Variants in RARS2 observed in about 807,000 individuals in gnomAD.
RARS2 encodes arginyl-tRNA synthetase 2, mitochondrial, also known as probable arginine--tRNA ligase, mitochondrial.
Under a neutral mutation model 88.5 loss-of-function variants are expected in RARS2, and 67 were observed. The observed-to-expected ratio is 0.76, with a 90% CI of 0.62 to 0.93. The LOEUF is 0.93. RARS2 is among the 40% of genes least tolerant of loss of function. RARS2 has a pLI of 0.00. For missense variants in RARS2, 664 were observed against 684.2 expected (o/e 0.97, Z 0.33); for synonymous variants, 239 against 230.3 (o/e 1.04, Z -0.34).
chr6:87,569,266 T>C (rs986896821), intron 2 of RARS2, among the ~76,000 whole-genome samples: 1 of 152,184 alleles, frequency 6.6e-6, no homozygotes, highest in Admixed American at 6.5e-5. Flanking sequence ...GCCACAATTA[T>C]AGTTACTAGC....
rs766112591 is a variant in RARS2 at position 87,559,968 on chromosome 6, T to C, written c.297+2734A>G. Among the ~76,000 whole-genome samples, 5 of 152,366 alleles carry C rather than the reference T, an allele frequency of 3.3e-5. No individual in the cohort carries two copies. The South Asian group carries it at 8.3e-4, about 25-fold the overall frequency. ...GTCACAATTGCACAAATACAGTATTTGGTATTTTACATGATGCACAAGTTT... is the reference window on the plus strand; with the variant it reads ...GTCACAATTGCACAAATACAGTATTCGGTATTTTACATGATGCACAAGTTT... On this transcript the variant is annotated intron_variant, in intron 4 of 19. Coordinates refer to ENST00000369536, the MANE Select transcript of RARS2 (RefSeq NM_020320.5).
intron 2 of RARS2, among the ~76,000 whole-genome samples, chr6:87,565,580 C>T (rs1456713936): frequency 2.0e-5 from 3 of 152,144 alleles, no homozygotes; most frequent in Admixed American, 2.0e-4. Flanking sequence ...CAAAATAAGA[C>T]TTGAAGTAAA....
intron 5 of RARS2, among the ~76,000 whole-genome samples, chr6:87,554,933 T>A (rs79963122): frequency 6.6e-6 from 1 of 151,796 alleles, no homozygotes; most frequent in Non-Finnish European, 1.5e-5. Flanking sequence ...AAACCCTGTC[T>A]CTACTAAAAA....
chr6:87,542,136 T>G (rs989983080), intron 7 of RARS2, 142 bp from the exon 8 acceptor site: 13 of 655,486 alleles, frequency 2.0e-5, no homozygotes, highest in Non-Finnish European at 3.3e-5. Context: ...ACTTTTACCT[T>G]CTATGACCCC....
chr6:87,563,994 A>C, intron 3 of RARS2, 136 bp downstream of exon 3: 1 of 720,752 alleles, frequency 1.4e-6, no homozygotes, highest in South Asian at 1.6e-5. Flanking sequence ...GGCTAAAATG[A>C]ATTTAAATTA....
At chr6:87,547,743 G>A (rs1285258147) in intron 6 of RARS2, among the ~76,000 whole-genome samples, 2 of 151,652 alleles carry the variant, frequency 1.3e-5, no homozygotes, top group Non-Finnish European at 2.9e-5. Flanking sequence ...GGGTTCAAGC[G>A]ATTCTCCCAC....
At position 87,520,954 on chromosome 6, in the gene RARS2, A is replaced by G. The variant is rs377191335; in HGVS notation, c.1035+510T>C. On this transcript the variant is annotated intron_variant, in intron 12 of 19. Coordinates refer to ENST00000369536, the MANE Select transcript of RARS2 (RefSeq NM_020320.5). ...GGTTACATGAATCTATACATGTGAT[A>G]AAGTCTCATAAAACCATAGCCACAC... 3.3e-5 allele frequency among the ~76,000 whole-genome samples: 5 copies of G among 152,334 alleles called. No individual in the cohort carries two copies. The South Asian group carries it at 1.0e-3, about 32-fold the overall frequency.
chr6:87,516,960 A>G, intron 17 of RARS2, 80 bp from the exon 18 acceptor site: 1 of 1,586,864 alleles, frequency 6.3e-7, no homozygotes, highest in Non-Finnish European at 8.6e-7. Flanking sequence ...GATTGTGAAT[A>G]TAAGGTTGAC....
intron 1 of RARS2, among the ~76,000 whole-genome samples, chr6:87,575,328 G>A (rs1771144829): frequency 1.3e-5 from 2 of 151,246 alleles, no homozygotes; most frequent in Non-Finnish European, 2.9e-5. Flanking sequence ...CAGGCAAGTA[G>A]TTTATTTGGG....
chr6:87,568,152 A>G (rs1768496127), intron 2 of RARS2, among the ~76,000 whole-genome samples: 1 of 152,198 alleles, frequency 6.6e-6, no homozygotes, highest in Non-Finnish European at 1.5e-5. Context: ...TATTCAAAAG[A>G]TGGGCCAAGA....
In RARS2 at chr6:87,548,598, G is replaced by A. The variant is rs201596004; in HGVS notation, c.444C>T (p.Thr148=). Residue 148 remains threonine (T), a synonymous_variant, in exon 6 of 20, where the codon ACC becomes ACT. Transcript: ENST00000369536. The stretch of plus-strand genomic sequence containing the variant: ...GTGAAACTAAACACTTACCTATGAT[G>A]GTAGAACGCAAATGTCCAACATGAA... The part of the protein sequence containing the change: ...KKFHVGHLRS[T]IIGNFIANLK... 52 of 1,612,750 alleles carry A rather than the reference G, an allele frequency of 3.2e-5. 1 individual carries two copies. In the East Asian group the frequency reaches 1.1e-3, roughly 33 times the overall value.
chr6:87,588,726 C>A (rs761203833), intron 1 of RARS2, among the ~76,000 whole-genome samples: 5 of 152,284 alleles, frequency 3.3e-5, no homozygotes, highest in Middle Eastern at 3.4e-3. Flanking sequence ...AGGCTTCTTG[C>A]ACTCTTTGCT....
rs375598125 is a variant in RARS2 at position 87,569,499 on chromosome 6, A to G, written c.110+18T>C. 2.6e-6 allele frequency: 4 copies of G among 1,550,046 alleles called. No individual in the cohort carries two copies. The African/African-American group carries it at 4.1e-5, about 16-fold the overall frequency. ...TCAGCAACATTTTATAGATTGTTAC[A>G]AGTGTATTATACTTAACTCTTTTTG... On this transcript the variant is annotated intron_variant, in intron 2 of 19. Coordinates refer to ENST00000369536, the MANE Select transcript of RARS2 (RefSeq NM_020320.5).
chr6:87,522,957 T>C (rs1197489751), intron 11 of RARS2, among the ~76,000 whole-genome samples: 3 of 152,106 alleles, frequency 2.0e-5, no homozygotes, highest in Admixed American at 6.6e-5. Context: ...ATGTATACAA[T>C]ATATACAGAG....
intron 1 of RARS2, among the ~76,000 whole-genome samples, chr6:87,583,957 ACT>A (rs1774362337): frequency 6.6e-6 from 1 of 152,208 alleles, no homozygotes; most frequent in Admixed American, 6.5e-5. Flanking sequence ...ACAATATACC[ACT>A]GTGCTTAGTG....
chr6:87,549,061 T>C (rs1393292294), intron 5 of RARS2, among the ~76,000 whole-genome samples: 1 of 151,886 alleles, frequency 6.6e-6, no homozygotes, highest in Non-Finnish European at 1.5e-5. Flanking sequence ...AAAAAATTTT[T>C]TTTAGTCAGG....
At chr6:87,559,941 G>A (rs1429826547) in intron 4 of RARS2, among the ~76,000 whole-genome samples, 1 of 152,156 alleles carries the variant, frequency 6.6e-6, no homozygotes, top group African/African-American at 2.4e-5. Flanking sequence ...AAATACCACT[G>A]TGTCACAATT....
chr6:87,556,682 C>T (rs1331827732), intron 4 of RARS2, among the ~76,000 whole-genome samples: 4 of 147,026 alleles, frequency 2.7e-5, no homozygotes, highest in African/African-American at 5.1e-5. Context: ...GTCCCAGCTA[C>T]TTGGGAGGCT....
At chr6:87,516,577 G>A (rs543802329) in intron 18 of RARS2, among the ~76,000 whole-genome samples, 1 of 152,304 alleles carries the variant, frequency 6.6e-6, no homozygotes, top group South Asian at 2.1e-4. Flanking sequence ...CATGCACTGT[G>A]CTGTAACTGT....
Sources: gnomAD v4.1 joint callset for allele counts (sites outside exome capture counted in the v4.1 genomes callset) on GRCh38, gnomAD v4.1.1 for gene constraint, MANE v1.5 for transcripts, NCBI Gene and HGNC (gene_info 2026-07-23, HGNC 2026-07-21) for gene names.